Variants in CCDC39 observed in about 807,000 individuals in gnomAD.
CCDC39 encodes coiled-coil domain-containing protein 39.
A neutral mutation model predicts 121.0 loss-of-function variants in CCDC39; 113 were observed. That is an observed-to-expected ratio of 0.93 (90% CI 0.80 to 1.09). CCDC39 has a LOEUF of 1.09. CCDC39 is among the 50% of genes least tolerant of loss of function. The pLI, the probability that CCDC39 is intolerant of heterozygous loss-of-function variation, is 0.00. For missense variants in CCDC39, 1,063 were observed against 1,074.7 expected (o/e 0.99, Z 0.15); for synonymous variants, 349 against 352.2 (o/e 0.99, Z 0.10).
intron 6 of CCDC39, among the ~76,000 whole-genome samples, chr3:180,658,411 C>T (rs892237053): frequency 6.6e-6 from 1 of 151,548 alleles, no homozygotes; most frequent in East Asian, 1.9e-4. Flanking sequence ...CTGGCTAACA[C>T]ACGGTGAAAC....
At chr3:180,637,407 C>CAAATA (rs779724238) in intron 13 of CCDC39, among the ~76,000 whole-genome samples, 9 of 151,642 alleles carry the variant, frequency 5.9e-5, no homozygotes, top group Non-Finnish European at 7.4e-5. Flanking sequence ...CCATTAAAGT[C>CAAATA]AAATAAAATA....
chr3:180,628,022 G>A (rs1452811131), intron 14 of CCDC39, among the ~76,000 whole-genome samples: 1 of 152,092 alleles, frequency 6.6e-6, no homozygotes, highest in Non-Finnish European at 1.5e-5. Flanking sequence ...ACACAGGAAG[G>A]AACACCATGT....
chr3:180,640,114 G>A (rs1190388319), intron 13 of CCDC39, among the ~76,000 whole-genome samples: 1 of 152,040 alleles, frequency 6.6e-6, no homozygotes, highest in Non-Finnish European at 1.5e-5. Flanking sequence ...GAAACTTGTG[G>A]GGGTGATGGA....
chr3:180,660,196 T>C (rs983642665), intron 4 of CCDC39, among the ~76,000 whole-genome samples: 2 of 152,116 alleles, frequency 1.3e-5, no homozygotes, highest in African/African-American at 4.8e-5. Context: ...AAAAACTACA[T>C]GTAATATTCA....
Position 180,654,956 on chromosome 3 carries a change from A to T in CCDC39, c.739-3T>A. The T allele has an allele frequency of 6.6e-7, 1 of 1,519,780 alleles. No individual in the cohort carries two copies. The highest frequency in any genetic ancestry group is 8.8e-7 in the Non-Finnish European group (1 of 1,134,954). The allele number at this position is 1,519,780 out of a possible 1,614,324, so 94.1% of individuals were successfully genotyped here. A position where few individuals can be genotyped will look rare whatever the true frequency, so the allele number is the denominator to read the frequency against. On this transcript the variant is annotated splice_polypyrimidine_tract_variant and splice_region_variant and intron_variant, in intron 6 of 19. Coordinates refer to ENST00000476379, the MANE Select transcript of CCDC39 (RefSeq NM_181426.2). ...TCCTGCTTTATCCTTGCTAATTCCT[A>T]GGATTAAAACAAATATGTTTACTTA...
At position 180,614,570 on chromosome 3, in the gene CCDC39, C is replaced by G. The variant is rs1014599145; in HGVS notation, c.*351G>C. On this transcript the variant is annotated 3_prime_UTR_variant, in exon 20 of 20. Transcript: ENST00000476379. ...ATACGCTCATAATAGTACAGTAAATCTTTAGAAATTTCTTCTTGAAAGATT... is the reference window on the plus strand; with the variant it reads ...ATACGCTCATAATAGTACAGTAAATGTTTAGAAATTTCTTCTTGAAAGATT... 1.0e-5 allele frequency: 2 copies of G among 198,118 alleles called. No individual in the cohort carries two copies. Among genetic ancestry groups the G allele is most frequent in the African/African-American group, 4.8e-5 (2 of 41,922 alleles). 12.3% of individuals were successfully genotyped at this position (198,118 alleles called of 1,614,324 possible).
intron 13 of CCDC39, among the ~76,000 whole-genome samples, chr3:180,634,355 G>A (rs1717776896): frequency 6.6e-6 from 1 of 152,150 alleles, no homozygotes; most frequent in African/African-American, 2.4e-5. Context: ...AGGAGAGGAA[G>A]CCAGTCCATC....
Position 180,637,364 on chromosome 3 carries a change from C to T in CCDC39, c.1874+4629G>A, listed in dbSNP as rs184628299. On this transcript the variant is annotated intron_variant, in intron 13 of 19. Coordinates refer to ENST00000476379, the MANE Select transcript of CCDC39 (RefSeq NM_181426.2). The stretch of plus-strand genomic sequence containing the variant: ...AGAAAAATGCAAATCAAAACCACAA[C>T]GAGATACCATCTCACACCAGTCAGA... 2.7e-3 allele frequency among the ~76,000 whole-genome samples: 409 copies of T among 152,010 alleles called. 3 individuals are homozygous for T. The highest frequency in any genetic ancestry group is 7.6e-3 in the African/African-American group (315 of 41,470).
chr3:180,623,745 C>G (rs899937446), intron 14 of CCDC39, among the ~76,000 whole-genome samples: 1 of 151,996 alleles, frequency 6.6e-6, no homozygotes, highest in Non-Finnish European at 1.5e-5. Flanking sequence ...TGTTTAATTT[C>G]CATATATCTG....
intron 6 of CCDC39, 62 bp downstream of exon 6, chr3:180,659,390 T>C (rs1038835923): frequency 1.9e-6 from 3 of 1,575,846 alleles, no homozygotes; most frequent in Admixed American, 1.8e-5. Flanking sequence ...TTTGGAATAA[T>C]GAGTTAAATA....
In CCDC39 at chr3:180,631,589, A is replaced by C. The variant is rs760634837; in HGVS notation, c.1878T>G (p.Thr626=). 13 of 1,602,516 alleles carry C rather than the reference A, an allele frequency of 8.1e-6. No individual in the cohort carries two copies. Among genetic ancestry groups the C allele is most frequent in the African/African-American group, 1.3e-5 (1 of 74,744 alleles). The change falls in exon 14 of 20, where the codon ACT becomes ACG. Residue 626 remains threonine (T), a synonymous_variant. Transcript: ENST00000476379. Reference sequence around the variant, plus strand: ...TTTTACTTAGCCGCTCGCGAAACTCAGTGCTAATAAGAAAAAGAAACACTG... The same window carrying C: ...TTTTACTTAGCCGCTCGCGAAACTCCGTGCTAATAAGAAAAAGAAACACTG... ...YVDQERENIS[T]EFRERLSKIE...
intron 1 of CCDC39, among the ~76,000 whole-genome samples, chr3:180,677,199 T>C (rs568084287): frequency 0.01 from 1,066 of 102,908 alleles, 40 homozygotes; most frequent in African/African-American, 0.022. Flanking sequence ...TATATATATA[T>C]ATATATATAT....
At chr3:180,623,039 A>G (rs972768587) in intron 14 of CCDC39, among the ~76,000 whole-genome samples, 4 of 151,074 alleles carry the variant, frequency 2.6e-5, no homozygotes, top group African/African-American at 9.7e-5. Context: ...AGCTGTTACT[A>G]CATCTTACCC....
chr3:180,629,708 CA>C (rs1336871992), intron 14 of CCDC39, among the ~76,000 whole-genome samples: 2 of 151,976 alleles, frequency 1.3e-5, no homozygotes, highest in Admixed American at 1.3e-4. Context: ...ACAACAACAA[CA>C]AAAAATGGGA....
At chr3:180,628,710 AGT>A (rs1424544928) in intron 14 of CCDC39, among the ~76,000 whole-genome samples, 2 of 152,176 alleles carry the variant, frequency 1.3e-5, no homozygotes, top group African/African-American at 4.8e-5. Flanking sequence ...TAAATGAATA[AGT>A]GTATGTATTT....
chr3:180,668,349 A>C (rs1212491312), intron 1 of CCDC39, among the ~76,000 whole-genome samples: 13 of 152,194 alleles, frequency 8.5e-5, no homozygotes, highest in Non-Finnish European at 1.9e-4. Context: ...ACTGCACTCT[A>C]GCCTGCGCAA....
At position 180,648,298 on chromosome 3, in the gene CCDC39, T is replaced by C. The variant is rs376852194; in HGVS notation, c.1229A>G (p.Gln410Arg). Residue 410 changes from glutamine to arginine, a missense_variant, in exon 10 of 20, where the codon CAG (glutamine) becomes CGG (arginine). Coordinates refer to ENST00000476379, the MANE Select transcript of CCDC39 (RefSeq NM_181426.2). ...GVLFKKAQELQTETMKEKAVL... is the reference protein window; with the variant it reads ...GVLFKKAQELRTETMKEKAVL... Reference sequence around the variant, plus strand: ...AGCTTTTTCTTTCATTGTCTCAGTCTGTAACTCCTGAGCTTTCTTAAACAG... The same window carrying C: ...AGCTTTTTCTTTCATTGTCTCAGTCCGTAACTCCTGAGCTTTCTTAAACAG... 108 of 1,611,888 alleles carry C rather than the reference T, an allele frequency of 6.7e-5. No individual in the cohort carries two copies. The highest frequency in any genetic ancestry group is 4.9e-4 in the Admixed American group (29 of 59,716).
intron 9 of CCDC39, among the ~76,000 whole-genome samples, chr3:180,650,036 G>A (rs932586143): frequency 6.6e-6 from 1 of 152,206 alleles, no homozygotes; most frequent in Non-Finnish European, 1.5e-5. Context: ...GGAGCCAGAT[G>A]AGATATAAGC....
At position 180,614,808 on chromosome 3, in the gene CCDC39, C is replaced by T; in HGVS notation, c.*113G>A. ...TTTTTTAAAACTATCAGTTTTTACA[C>T]TTACCACTAAGTTTTTACACTTTCC... On this transcript the variant is annotated 3_prime_UTR_variant, in exon 20 of 20. Transcript: ENST00000476379. 1.1e-6 allele frequency: 1 copy of T among 911,812 alleles called. No homozygotes were observed. Among genetic ancestry groups the T allele is most frequent in the Non-Finnish European group, 1.6e-6 (1 of 626,988 alleles). 56.5% of individuals were successfully genotyped at this position (911,812 alleles called of 1,614,324 possible).
Sources: gnomAD v4.1 joint callset for allele counts (sites outside exome capture counted in the v4.1 genomes callset) on GRCh38, gnomAD v4.1.1 for gene constraint, MANE v1.5 for transcripts, NCBI Gene and HGNC (gene_info 2026-07-23, HGNC 2026-07-21) for gene names.